IGF2BP3: variants seen among roughly 807,000 people sequenced by gnomAD.
IGF2BP3 encodes insulin like growth factor 2 mRNA binding protein 3.
IGF2BP3 carries 9 observed loss-of-function variants against 73.8 expected under a neutral mutation model. The observed-to-expected ratio is 0.12, with a 90% CI of 0.07 to 0.21. The LOEUF is 0.21. IGF2BP3 is among the 10% of genes least tolerant of loss of function. IGF2BP3 has a pLI of 1.00. For synonymous variants in IGF2BP3, 258 were observed against 256.7 expected (o/e 1.01, Z -0.05); for missense variants, 542 against 714.0 (o/e 0.76, Z 2.75).
At chr7:23,398,668 G>A (rs907971147) in intron 3 of IGF2BP3, among the ~76,000 whole-genome samples, 10 of 152,188 alleles carry the variant, frequency 6.6e-5, no homozygotes, top group African/African-American at 2.4e-4. Context: ...GGCCAGTGAT[G>A]ATGAGCATTT....
chr7:23,416,158 CA>C (rs1787183881), intron 3 of IGF2BP3: 1 of 152,060 alleles, frequency 6.6e-6, no homozygotes, highest in African/African-American at 2.4e-5. Flanking sequence ...CTAGATCACA[CA>C]ATGAGAAAGT....
chr7:23,317,560 T>C (rs1784024763), intron 12 of IGF2BP3, 79 bp downstream of exon 12: 1 of 995,738 alleles, frequency 1.0e-6, no homozygotes, highest in East Asian at 2.4e-5. Flanking sequence ...GATTTAGACA[T>C]ATTTAAGGGA....
chr7:23,457,088 G>C (rs1357105316), intron 2 of IGF2BP3, among the ~76,000 whole-genome samples: 1 of 151,854 alleles, frequency 6.6e-6, no homozygotes. Flanking sequence ...TTTAGTTTTA[G>C]GTTTTTCAGA....
chr7:23,385,968 AT>A (rs1323884686), intron 3 of IGF2BP3, among the ~76,000 whole-genome samples: 2 of 152,288 alleles, frequency 1.3e-5, no homozygotes, highest in East Asian at 1.9e-4. Flanking sequence ...GATGATATTG[AT>A]TTTTTTAAGC....
At chr7:23,317,308 G>C (rs1268150323) in intron 12 of IGF2BP3, among the ~76,000 whole-genome samples, 2 of 152,236 alleles carry the variant, frequency 1.3e-5, no homozygotes, top group Non-Finnish European at 2.9e-5. Flanking sequence ...CTCAGGGACA[G>C]GAGGGAAAAC....
chr7:23,466,628 A>G (rs1438177163), intron 2 of IGF2BP3, among the ~76,000 whole-genome samples: 1 of 152,248 alleles, frequency 6.6e-6, no homozygotes, highest in Non-Finnish European at 1.5e-5. Context: ...TGTTTATTAT[A>G]AAGTAACAAG....
At chr7:23,461,647 C>A (rs1325377336) in intron 2 of IGF2BP3, among the ~76,000 whole-genome samples, 2 of 152,190 alleles carry the variant, frequency 1.3e-5, no homozygotes, top group Non-Finnish European at 2.9e-5. Flanking sequence ...ATAGCCACTA[C>A]TCATTACCTC....
At chr7:23,359,578 G>T (rs1035507954) in intron 5 of IGF2BP3, among the ~76,000 whole-genome samples, 3 of 152,002 alleles carry the variant, frequency 2.0e-5, no homozygotes, top group Non-Finnish European at 4.4e-5. Context: ...CGGGTGCAGC[G>T]GCTCATGCCT....
At chr7:23,407,897 A>T (rs1786887507) in intron 3 of IGF2BP3, among the ~76,000 whole-genome samples, 1 of 129,316 alleles carries the variant, frequency 7.7e-6, no homozygotes, top group Admixed American at 9.5e-5. Context: ...ACCACAATAA[A>T]GTGGAGTTTA....
intron 3 of IGF2BP3, among the ~76,000 whole-genome samples, chr7:23,376,320 G>A (rs568396521): frequency 6.6e-6 from 1 of 151,694 alleles, no homozygotes; most frequent in East Asian, 1.9e-4. Context: ...ACTTTGAGAG[G>A]CCAAGGCAGG....
chr7:23,326,580 G>T lies in IGF2BP3; in HGVS notation c.1204-7326C>A, dbSNP rs568611531. On this transcript the variant is annotated intron_variant, in intron 10 of 14. Coordinates refer to ENST00000258729, the MANE Select transcript of IGF2BP3 (RefSeq NM_006547.3). ...TCCAATCACTGGGTATATACCCAAA[G>T]GACTATAAATCATGCTACTATAAAG... Among the ~76,000 whole-genome samples, 8 of 151,944 alleles carry T rather than the reference G, an allele frequency of 5.3e-5. No homozygotes were observed. The South Asian group carries it at 1.7e-3, about 32-fold the overall frequency.
At chr7:23,446,467 G>A (rs879756076) in intron 2 of IGF2BP3, among the ~76,000 whole-genome samples, 10 of 152,106 alleles carry the variant, frequency 6.6e-5, no homozygotes, top group Non-Finnish European at 1.3e-4. Flanking sequence ...GGAGGCAGGA[G>A]AATCACTTGA....
intron 2 of IGF2BP3, among the ~76,000 whole-genome samples, chr7:23,453,280 T>C (rs1346038368): frequency 3.3e-5 from 5 of 152,244 alleles, no homozygotes; most frequent in African/African-American, 1.2e-4. Flanking sequence ...CTCTCAGTAT[T>C]GTCTTCCTTT....
intron 10 of IGF2BP3, among the ~76,000 whole-genome samples, chr7:23,322,992 A>G (rs1171976951): frequency 6.6e-6 from 1 of 152,206 alleles, no homozygotes. Context: ...GACCATCAAG[A>G]CTAGGAAGAA....
At chr7:23,393,084 A>T (rs1562722838) in intron 3 of IGF2BP3, among the ~76,000 whole-genome samples, 1 of 152,150 alleles carries the variant, frequency 6.6e-6, no homozygotes, top group Non-Finnish European at 1.5e-5. Context: ...CCTTGGAATT[A>T]ACCCACCTTT....
chr7:23,352,552 T>G (rs776422536), intron 5 of IGF2BP3, among the ~76,000 whole-genome samples: 1 of 152,212 alleles, frequency 6.6e-6, no homozygotes, highest in Non-Finnish European at 1.5e-5. Context: ...CCTCCCAAAG[T>G]GCTGGGATTA....
chr7:23,355,632 T>C (rs1215432525), intron 5 of IGF2BP3, among the ~76,000 whole-genome samples: 1 of 152,048 alleles, frequency 6.6e-6, no homozygotes, highest in African/African-American at 2.4e-5. Flanking sequence ...TTTAAATGTA[T>C]TGATAAGAAG....
chr7:23,347,131 GAAGA>G (rs1784848313), intron 7 of IGF2BP3, among the ~76,000 whole-genome samples: 1 of 152,070 alleles, frequency 6.6e-6, no homozygotes, highest in Admixed American at 6.6e-5. Context: ...AGTTCCTGTG[GAAGA>G]AATAGAGTTC....
intron 2 of IGF2BP3, among the ~76,000 whole-genome samples, chr7:23,453,083 G>A (rs1468260306): frequency 1.3e-5 from 2 of 152,158 alleles, no homozygotes; most frequent in South Asian, 2.1e-4. Context: ...AGCCGAGATC[G>A]CGCCACTGCA....
Sources: gnomAD v4.1 joint callset for allele counts (sites outside exome capture counted in the v4.1 genomes callset) on GRCh38, gnomAD v4.1.1 for gene constraint, MANE v1.5 for transcripts, NCBI Gene and HGNC (gene_info 2026-07-23, HGNC 2026-07-21) for gene names.